The following ESYT2 variants were observed in gnomAD, a reference collection of about 807,000 sequenced individuals.
ESYT2 encodes extended synaptotagmin-2.
A neutral mutation model predicts 107.2 loss-of-function variants in ESYT2; 54 were observed. The observed-to-expected ratio is 0.50, with a 90% CI of 0.40 to 0.63. The LOEUF (loss-of-function observed/expected upper bound fraction) is 0.63, where lower values mean the gene tolerates loss of function less well. Among genes scored for constraint, ESYT2 ranks in the 30% least tolerant of loss-of-function variants. The pLI is 0.00. For synonymous variants in ESYT2, 491 were observed against 434.1 expected, an observed-to-expected ratio of 1.13 and a Z score of -1.63; for missense variants, 1,020 against 1,094.5, an observed-to-expected ratio of 0.93 and a Z score of 0.96.
At chr7:158,734,370 A>G in intron 22 of ESYT2, 52 bp downstream of exon 22, 8 of 1,612,222 alleles carry the variant, frequency 5.0e-6, no homozygotes, top group Non-Finnish European at 6.8e-6. Flanking sequence ...TGGGCGGGGA[A>G]AGCGTTTTTA....
intron 7 of ESYT2, among the ~76,000 whole-genome samples, chr7:158,769,649 C>T (rs114821588): frequency 0.012 from 1,821 of 152,238 alleles, 34 homozygotes; most frequent in African/African-American, 0.042. Context: ...AGCTTAGAGA[C>T]GCTTATCAAA....
intron 1 of ESYT2, among the ~76,000 whole-genome samples, chr7:158,828,281 T>G (rs1273937160): frequency 2.0e-5 from 3 of 152,214 alleles, no homozygotes; most frequent in African/African-American, 7.2e-5. Context: ...TTACGTTTTT[T>G]AAAAAACAGA....
chr7:158,750,714 C>T (rs1563625277), intron 14 of ESYT2, among the ~76,000 whole-genome samples: 1 of 149,142 alleles, frequency 6.7e-6, no homozygotes, highest in African/African-American at 2.4e-5. Flanking sequence ...AATTTCCCCC[C>T]TAAGTTAATT....
At chr7:158,785,425 CAAAATAAATAAATAAA>C (rs1317470934) in intron 6 of ESYT2, among the ~76,000 whole-genome samples, 3 of 117,008 alleles carry the variant, frequency 2.6e-5, no homozygotes, top group African/African-American at 9.5e-5. Context: ...AACTCCGTCT[CAAAATAAATAAATAAA>C]TAAATAAATA....
At chr7:158,809,125 A>G (rs1248863038) in intron 1 of ESYT2, among the ~76,000 whole-genome samples, 2 of 152,092 alleles carry the variant, frequency 1.3e-5, no homozygotes, top group Non-Finnish European at 2.9e-5. Context: ...TCCCCCACAG[A>G]TAAGGGGGGG....
intron 16 of ESYT2, among the ~76,000 whole-genome samples, chr7:158,747,048 T>C (rs147407092): frequency 3.3e-4 from 49 of 150,092 alleles, no homozygotes; most frequent in African/African-American, 9.1e-4. Context: ...TGAAACTCTG[T>C]TCTCAAAAAC....
At chr7:158,766,290 A>G (rs1011469216) in intron 8 of ESYT2, among the ~76,000 whole-genome samples, 1 of 152,172 alleles carries the variant, frequency 6.6e-6, no homozygotes, top group Admixed American at 6.5e-5. Flanking sequence ...TCACATGTCT[A>G]AAGTTGAGAT....
intron 19 of ESYT2, among the ~76,000 whole-genome samples, chr7:158,737,534 C>A (rs1837010240): frequency 6.6e-6 from 1 of 152,156 alleles, no homozygotes. Flanking sequence ...CCCCACCCCA[C>A]AGTGCCTACC....
chr7:158,792,587 T>TAC (rs1261180084), intron 4 of ESYT2, among the ~76,000 whole-genome samples: 3 of 150,684 alleles, frequency 2.0e-5, no homozygotes, highest in African/African-American at 7.3e-5. Flanking sequence ...AATATATATA[T>TAC]ATAATGTCTT....
chr7:158,798,407 G>T (rs1839534617), intron 2 of ESYT2, among the ~76,000 whole-genome samples: 1 of 151,944 alleles, frequency 6.6e-6, no homozygotes, highest in African/African-American at 2.4e-5. Context: ...CAGCATTTGG[G>T]AGGCTGAAGC....
In ESYT2 at chr7:158,826,179, C is replaced by T. The variant is rs996733862; in HGVS notation, c.330+2910G>A. ...GCACACTTCGAGACCATGCAACCTG[C>T]TGGTTTTATTATGAAAATAAAGTAT... On this transcript the variant is annotated intron_variant, in intron 1 of 22. Coordinates refer to ENST00000275418, the MANE Select transcript of ESYT2 (RefSeq NM_001367773.1). Among the ~76,000 whole-genome samples, 3 of 152,274 alleles carry T rather than the reference C, an allele frequency of 2.0e-5. No individual in the cohort carries two copies. In the East Asian group the frequency reaches 5.8e-4, roughly 29 times the overall value.
intron 9 of ESYT2, among the ~76,000 whole-genome samples, chr7:158,764,109 T>C (rs1219683333): frequency 6.6e-6 from 1 of 152,208 alleles, no homozygotes; most frequent in African/African-American, 2.4e-5. Context: ...GATCCAGCAA[T>C]TTCACTTTAA....
intron 1 of ESYT2, among the ~76,000 whole-genome samples, chr7:158,807,092 A>T (rs1428485661): frequency 6.6e-6 from 1 of 151,902 alleles, no homozygotes; most frequent in Non-Finnish European, 1.5e-5. Flanking sequence ...TCTACTAAAA[A>T]TACAAAAAAT....
At chr7:158,813,315 G>T (rs766321108) in intron 1 of ESYT2, among the ~76,000 whole-genome samples, 2 of 152,172 alleles carry the variant, frequency 1.3e-5, no homozygotes, top group Admixed American at 1.3e-4. Context: ...AAACTACTTC[G>T]TATGACATTG....
intron 13 of ESYT2, among the ~76,000 whole-genome samples, chr7:158,757,067 T>C (rs562405655): frequency 1.3e-5 from 2 of 152,256 alleles, no homozygotes; most frequent in South Asian, 4.1e-4. Context: ...GAGGTTTTTT[T>C]CAACGAGCCA....
chr7:158,745,606 C>T (rs1401680547), intron 16 of ESYT2, among the ~76,000 whole-genome samples: 1 of 151,990 alleles, frequency 6.6e-6, no homozygotes, highest in African/African-American at 2.4e-5. Flanking sequence ...GCCATAAAGC[C>T]GGTCTCAAAC....
intron 6 of ESYT2, among the ~76,000 whole-genome samples, chr7:158,774,552 A>G (rs1838482048): frequency 1.3e-5 from 2 of 152,164 alleles, no homozygotes; most frequent in South Asian, 4.1e-4. Flanking sequence ...CTGACTTAAG[A>G]GCTCATTTTC....
intron 8 of ESYT2, among the ~76,000 whole-genome samples, chr7:158,765,854 C>G (rs1430185805): frequency 6.6e-6 from 1 of 152,050 alleles, no homozygotes; most frequent in Non-Finnish European, 1.5e-5. Context: ...CAAAGATGCT[C>G]AAGTCACCTT....
chr7:158,821,600 G>A (rs1214239845), intron 1 of ESYT2, among the ~76,000 whole-genome samples: 4 of 152,238 alleles, frequency 2.6e-5, no homozygotes, highest in African/African-American at 4.8e-5. Context: ...ACTGCCCTGA[G>A]GGCCTGGGCC....
Sources: gnomAD v4.1 joint callset for allele counts (sites outside exome capture counted in the v4.1 genomes callset) on GRCh38, gnomAD v4.1.1 for gene constraint, MANE v1.5 for transcripts, NCBI Gene and HGNC (gene_info 2026-07-23, HGNC 2026-07-21) for gene names.